SCARA5: variants seen among roughly 807,000 people sequenced by gnomAD.
The protein encoded by SCARA5 is scavenger receptor class A member 5.
A neutral mutation model predicts 46.3 loss-of-function variants in SCARA5; 45 were observed. The ratio of observed to expected loss-of-function variants is 0.97; its 90% CI spans 0.76 to 1.24. The LOEUF is 1.24. Among genes scored for constraint, SCARA5 ranks in the 50% most tolerant of loss-of-function variants. The probability of loss-of-function intolerance (pLI) is 0.00; values close to 1 mark genes in which losing one functional copy is unlikely to be tolerated. For missense variants in SCARA5, 680 were observed against 689.0 expected, an observed-to-expected ratio of 0.99 and a Z score of 0.15; for synonymous variants, 333 against 306.5, an observed-to-expected ratio of 1.09 and a Z score of -0.90.
In SCARA5 at chr8:27,873,663, C is replaced by T. The variant is rs537939730; in HGVS notation, c.1352-1593G>A. On this transcript the variant is annotated intron_variant, in intron 8 of 8. Transcript: ENST00000354914. ...CGCTGACTCTCTTTTCTGACTCAAC[C>T]CGCCTGCACCCAGGTGAAATAAATA... Among the ~76,000 whole-genome samples, 175 of 152,186 alleles carry T rather than the reference C, an allele frequency of 1.1e-3. 1 individual carries two copies. The highest frequency in any genetic ancestry group is 2.9e-4 in the Non-Finnish European group (20 of 68,014).
In SCARA5 at chr8:27,885,398, C is replaced by T. The variant is rs1806878848; in HGVS notation, c.1154-5632G>A. On this transcript the variant is annotated intron_variant, in intron 7 of 8. Transcript: ENST00000354914. ...CAACAGGGCCCCTTCTAGGTACATG[C>T]TTATAGCTTTGTGTCATAATTGCTA... 2.6e-5 allele frequency among the ~76,000 whole-genome samples: 4 copies of T among 152,300 alleles called. No homozygotes were observed. The South Asian group carries it at 8.3e-4, about 32-fold the overall frequency.
At chr8:27,937,795 T>G (rs1807881416) in intron 3 of SCARA5, among the ~76,000 whole-genome samples, 4 of 152,186 alleles carry the variant, frequency 2.6e-5, no homozygotes. Flanking sequence ...GCTTCCTCTG[T>G]GCAAACACAT....
At position 27,962,057 on chromosome 8, in the gene SCARA5, A is replaced by C. The variant is rs564700221; in HGVS notation, c.241+4357T>G. The stretch of plus-strand genomic sequence containing the variant: ...CAATTCACAAGGATACATTAACTAC[A>C]CTAAGATTAAAGTAGATGAGATGCA... On this transcript the variant is annotated intron_variant, in intron 3 of 8. Coordinates refer to ENST00000354914, the MANE Select transcript of SCARA5 (RefSeq NM_173833.6). 2.6e-5 allele frequency among the ~76,000 whole-genome samples: 4 copies of C among 152,346 alleles called. No homozygotes were observed. In the South Asian group the frequency reaches 8.3e-4, roughly 32 times the overall value.
chr8:27,903,565 A>T (rs1807195667), intron 7 of SCARA5: 2 of 152,266 alleles, frequency 1.3e-5, no homozygotes, highest in South Asian at 4.1e-4. Context: ...CCCATGTGGG[A>T]ATAATGGCAT....
chr8:27,883,830 TAACA>T (rs142193383), intron 7 of SCARA5, among the ~76,000 whole-genome samples: 4,101 of 152,092 alleles, frequency 0.027, 201 homozygotes, highest in African/African-American at 0.094. Context: ...CCAGAGAAAA[TAACA>T]AACCTACTCA....
chr8:27,944,979 A>C (rs1383892204), intron 3 of SCARA5, among the ~76,000 whole-genome samples: 2 of 152,148 alleles, frequency 1.3e-5, no homozygotes, highest in Non-Finnish European at 2.9e-5. Context: ...CAGCCTGGGC[A>C]ACATGGCAAA....
intron 2 of SCARA5, among the ~76,000 whole-genome samples, chr8:27,985,533 T>G (rs912791097): frequency 6.6e-6 from 1 of 152,212 alleles, no homozygotes; most frequent in South Asian, 2.1e-4. Flanking sequence ...GCCACACTCC[T>G]AATTCAATGG....
chr8:27,917,333 C>T (rs1359320133), intron 4 of SCARA5, among the ~76,000 whole-genome samples: 1 of 152,028 alleles, frequency 6.6e-6, no homozygotes, highest in Non-Finnish European at 1.5e-5. Context: ...AATGAGTGAC[C>T]CAGGGCAGTT....
At chr8:27,946,124 G>A (rs1156953626) in intron 3 of SCARA5, among the ~76,000 whole-genome samples, 1 of 152,222 alleles carries the variant, frequency 6.6e-6, no homozygotes, top group African/African-American at 2.4e-5. Context: ...TTGTAGCAGT[G>A]AAAACCTAGA....
At chr8:27,968,863 C>T (rs925106291) in intron 2 of SCARA5, among the ~76,000 whole-genome samples, 4 of 152,154 alleles carry the variant, frequency 2.6e-5, no homozygotes, top group African/African-American at 9.7e-5. Context: ...TTTCCCTTGC[C>T]CTCTACCTGA....
At chr8:27,959,102 A>G (rs986158982) in intron 3 of SCARA5, among the ~76,000 whole-genome samples, 1 of 152,108 alleles carries the variant, frequency 6.6e-6, no homozygotes, top group Non-Finnish European at 1.5e-5. Context: ...GCTTGGTGGC[A>G]TGCACCTGTA....
chr8:27,883,169 A>C (rs1300541417), intron 7 of SCARA5, among the ~76,000 whole-genome samples: 1 of 152,238 alleles, frequency 6.6e-6, no homozygotes, highest in African/African-American at 2.4e-5. Context: ...CAATGTTTGC[A>C]GAATGTAGTA....
chr8:27,979,254 G>A (rs1808578319), intron 2 of SCARA5, among the ~76,000 whole-genome samples: 1 of 152,150 alleles, frequency 6.6e-6, no homozygotes, highest in African/African-American at 2.4e-5. Context: ...AGAAAAAACA[G>A]AAGCACTGCT....
At chr8:27,923,202 G>A (rs1428112387) in intron 3 of SCARA5, among the ~76,000 whole-genome samples, 1 of 152,178 alleles carries the variant, frequency 6.6e-6, no homozygotes, top group Non-Finnish European at 1.5e-5. Flanking sequence ...CTGCCTAAAG[G>A]AAGAGCACCC....
At chr8:27,947,624 C>T (rs1808058630) in intron 3 of SCARA5, among the ~76,000 whole-genome samples, 1 of 150,826 alleles carries the variant, frequency 6.6e-6, no homozygotes, top group African/African-American at 2.4e-5. Flanking sequence ...ATAAACCAGT[C>T]ATAAAGGCTC....
intron 7 of SCARA5, among the ~76,000 whole-genome samples, chr8:27,902,672 C>T (rs1807176454): frequency 6.6e-6 from 1 of 152,150 alleles, no homozygotes; most frequent in African/African-American, 2.4e-5. Context: ...GAACTAAATG[C>T]CACGATCCTT....
At chr8:27,910,772 G>A (rs931646527) in intron 4 of SCARA5, among the ~76,000 whole-genome samples, 5 of 152,226 alleles carry the variant, frequency 3.3e-5, no homozygotes, top group Non-Finnish European at 4.4e-5. Flanking sequence ...AGAGGCCAGC[G>A]TCATGCTCAG....
At chr8:27,903,406 T>G (rs1807193256) in intron 7 of SCARA5, 1 of 152,218 alleles carries the variant, frequency 6.6e-6, no homozygotes, top group African/African-American at 2.4e-5. Context: ...CAAAGTTTCA[T>G]CATATAGAAA....
intron 7 of SCARA5, among the ~76,000 whole-genome samples, chr8:27,886,278 C>T (rs1225460190): frequency 6.6e-6 from 1 of 152,264 alleles, no homozygotes; most frequent in Non-Finnish European, 1.5e-5. Context: ...TCAACAGATG[C>T]TGCCTGCCCC....
Sources: gnomAD v4.1 joint callset for allele counts (sites outside exome capture counted in the v4.1 genomes callset) on GRCh38, gnomAD v4.1.1 for gene constraint, MANE v1.5 for transcripts, NCBI Gene and HGNC (gene_info 2026-07-23, HGNC 2026-07-21) for gene names.